The following ARSB variants were observed in gnomAD, a reference collection of about 807,000 sequenced individuals.
ARSB encodes the protein N-acetylgalactosamine-4-sulfatase.
ARSB carries 41 observed loss-of-function variants against 50.9 expected under a neutral mutation model. The observed-to-expected ratio is 0.81, with a 90% CI of 0.63 to 1.04. The LOEUF (loss-of-function observed/expected upper bound fraction) is 1.04, where lower values mean the gene tolerates loss of function less well. Among genes scored for constraint, ARSB ranks in the 50% least tolerant of loss-of-function variants. ARSB has a pLI of 0.00. For missense variants in ARSB, 672 were observed against 693.3 expected (o/e 0.97, Z 0.35); for synonymous variants, 269 against 284.8 (o/e 0.94, Z 0.56).
Position 78,985,215 on chromosome 5 carries a change from C to A in ARSB, c.34G>T (p.Gly12Cys). The A allele has an allele frequency of 7.4e-7, 1 of 1,355,406 alleles. No homozygotes were observed. The highest frequency in any genetic ancestry group is 9.4e-7 in the Non-Finnish European group (1 of 1,059,018). The allele number at this position is 1,355,406 out of a possible 1,614,324, so 84.0% of individuals were successfully genotyped here. The change falls in exon 1 of 8, where the codon GGC becomes TGC. Residue 12 changes from glycine to cysteine, a missense_variant. By Grantham distance (159) the Gly-to-Cys change is radical (BLOSUM62 -3). Transcript: ENST00000264914. Reference sequence around the variant, plus strand: ...AGGAGCAGCCGCCGAGGTCCGGGGCCTCGGGGCAAGCTCGCCGCGCCGCGC... The same window carrying A: ...AGGAGCAGCCGCCGAGGTCCGGGGCATCGGGGCAAGCTCGCCGCGCCGCGC... ...GPRGAASLPR[G>C]PGPRRLLLPV...
intron 4 of ARSB, among the ~76,000 whole-genome samples, 186 bp downstream of exon 4, chr5:78,955,109 G>A (rs1014395277): frequency 6.6e-6 from 1 of 152,210 alleles, no homozygotes; most frequent in Non-Finnish European, 1.5e-5. Flanking sequence ...CTGAGGGAAC[G>A]GGGGAAGCCC....
At chr5:78,962,854 C>T (rs73130112) in intron 3 of ARSB, among the ~76,000 whole-genome samples, 40,373 of 152,114 alleles carry the variant, frequency 0.27, 6,669 homozygotes, top group African/African-American at 0.47. Flanking sequence ...AGGATGCCAG[C>T]AATCTGGCAT....
intron 5 of ARSB, among the ~76,000 whole-genome samples, chr5:78,868,738 G>A (rs1746949512): frequency 7.1e-6 from 1 of 140,426 alleles, no homozygotes; most frequent in South Asian, 2.6e-4. Context: ...TCGAGACTAG[G>A]AAGAAACTGC....
rs148722955 is a variant in ARSB at position 78,815,395 on chromosome 5, C to T, written c.1213+23961G>A. 37 of 361,986 alleles carry T rather than the reference C, an allele frequency of 1.0e-4. 1 individual carries two copies. In the East Asian group the frequency reaches 6.0e-3, roughly 59 times the overall value. The allele number at this position is 361,986 out of a possible 1,614,324, so 22.4% of individuals were successfully genotyped here. On this transcript the variant is annotated intron_variant, in intron 6 of 7. Coordinates refer to ENST00000264914, the MANE Select transcript of ARSB (RefSeq NM_000046.5). ...CTCATCTCACTGTGGCTTGCAGCTT[C>T]AAGAACAGAAGAGAGCAGGCCACAA... is the stretch of plus-strand genomic sequence containing the variant.
At chr5:78,803,448 G>A (rs1407441667) in intron 6 of ARSB, among the ~76,000 whole-genome samples, 1 of 152,214 alleles carries the variant, frequency 6.6e-6, no homozygotes, top group Non-Finnish European at 1.5e-5. Flanking sequence ...CCTTGATCAC[G>A]AGGTAATTAC....
Position 78,784,760 on chromosome 5 carries a change from A to C in ARSB, c.1214-2786T>G, listed in dbSNP as rs576334735. On this transcript the variant is annotated intron_variant, in intron 6 of 7. Transcript: ENST00000264914. ...CAATTCATGCTTTTCATTTTTTCCCAAGATACGTTTTGCTAGTGTTTAATT... is the reference window on the plus strand; with the variant it reads ...CAATTCATGCTTTTCATTTTTTCCCCAGATACGTTTTGCTAGTGTTTAATT... Among the ~76,000 whole-genome samples, 4 of 151,006 alleles carry C rather than the reference A, an allele frequency of 2.6e-5. No homozygotes were observed. The East Asian group carries it at 7.7e-4, about 29-fold the overall frequency.
chr5:78,782,782 A>G (rs951517855), intron 6 of ARSB, among the ~76,000 whole-genome samples: 2 of 152,216 alleles, frequency 1.3e-5, no homozygotes, highest in African/African-American at 4.8e-5. Context: ...CTTGTTTGTA[A>G]CTGACCCTTG....
intron 6 of ARSB, among the ~76,000 whole-genome samples, chr5:78,831,016 T>C (rs1314589603): frequency 6.6e-6 from 1 of 152,144 alleles, no homozygotes; most frequent in Non-Finnish European, 1.5e-5. Flanking sequence ...TATTCCTGAT[T>C]AAGGAAGTCA....
chr5:78,801,352 T>C (rs1190821290), intron 6 of ARSB, among the ~76,000 whole-genome samples: 1 of 152,146 alleles, frequency 6.6e-6, no homozygotes, highest in Non-Finnish European at 1.5e-5. Flanking sequence ...GTCGGGGAAG[T>C]ACTGAACCAG....
intron 4 of ARSB, among the ~76,000 whole-genome samples, chr5:78,888,575 T>G (rs1202292374): frequency 6.6e-6 from 1 of 152,252 alleles, no homozygotes; most frequent in Non-Finnish European, 1.5e-5. Flanking sequence ...TGAGGTATTA[T>G]GTAGTGTCCT....
intron 4 of ARSB, among the ~76,000 whole-genome samples, chr5:78,900,711 G>C (rs1748763520): frequency 6.6e-6 from 1 of 152,060 alleles, no homozygotes; most frequent in Non-Finnish European, 1.5e-5. Context: ...TTGAAATCCT[G>C]CATTCCTTGA....
chr5:78,946,179 T>C (rs1422085683), intron 4 of ARSB, among the ~76,000 whole-genome samples: 2 of 152,206 alleles, frequency 1.3e-5, no homozygotes, highest in Non-Finnish European at 2.9e-5. Context: ...GATCATGTTC[T>C]ATCAGAGAAG....
At position 78,867,738 on chromosome 5, in the gene ARSB, T is replaced by G. The variant is rs561239614; in HGVS notation, c.1142+17846A>C. Among the ~76,000 whole-genome samples the G allele has an allele frequency of 2.6e-5, 4 of 151,766 alleles. No homozygotes were observed. In the East Asian group the frequency reaches 7.7e-4, roughly 29 times the overall value. On this transcript the variant is annotated intron_variant, in intron 5 of 7. Transcript: ENST00000264914. Reference sequence around the variant, plus strand: ...AAAACAGAACAGAAAAACTGGGAACTCTAAAACGCAGAGCGCCTCTCCTCC... The same window carrying G: ...AAAACAGAACAGAAAAACTGGGAACGCTAAAACGCAGAGCGCCTCTCCTCC...
chr5:78,784,587 A>T (rs1749028029), intron 6 of ARSB, among the ~76,000 whole-genome samples: 1 of 152,306 alleles, frequency 6.6e-6, no homozygotes, highest in African/African-American at 2.4e-5. Context: ...GTATAGGACC[A>T]TTTAGATCTT....
intron 5 of ARSB, among the ~76,000 whole-genome samples, chr5:78,867,574 G>A (rs968817331): frequency 2.0e-4 from 30 of 151,754 alleles, no homozygotes; most frequent in Admixed American, 9.2e-4. Context: ...ACCTCACACG[G>A]CAGGGTATTC....
At chr5:78,808,111 A>C (rs1468230857) in intron 6 of ARSB, among the ~76,000 whole-genome samples, 3 of 150,900 alleles carry the variant, frequency 2.0e-5, no homozygotes, top group African/African-American at 7.3e-5. Flanking sequence ...AAAAAAAAAA[A>C]AAAAAAACAC....
intron 6 of ARSB, chr5:78,815,984 T>C (rs1280816953): frequency 5.8e-6 from 9 of 1,555,912 alleles, no homozygotes; most frequent in Admixed American, 1.7e-5. Flanking sequence ...CTGCCACTTC[T>C]GCAGGAGCCA....
chr5:78,971,857 T>C (rs968736129), intron 1 of ARSB, among the ~76,000 whole-genome samples: 2 of 152,374 alleles, frequency 1.3e-5, no homozygotes, highest in East Asian at 1.9e-4. Flanking sequence ...AATTGTATAC[T>C]TGAAGTGTGT....
At chr5:78,929,994 T>C (rs1208817687) in intron 4 of ARSB, among the ~76,000 whole-genome samples, 1 of 152,104 alleles carries the variant, frequency 6.6e-6, no homozygotes, top group African/African-American at 2.4e-5. Flanking sequence ...CAACCCACCA[T>C]AGACACCAAC....
Sources: gnomAD v4.1 joint callset for allele counts (sites outside exome capture counted in the v4.1 genomes callset) on GRCh38, gnomAD v4.1.1 for gene constraint, MANE v1.5 for transcripts, NCBI Gene and HGNC (gene_info 2026-07-23, HGNC 2026-07-21) for gene names.